The following AFF2 variants were observed in gnomAD, a reference collection of about 807,000 sequenced individuals.
The protein encoded by AFF2 is ALF transcription elongation factor 2.
A neutral mutation model predicts 76.9 loss-of-function variants in AFF2; 14 were observed. The ratio of observed to expected loss-of-function variants is 0.18; its 90% CI spans 0.12 to 0.28. The LOEUF is 0.28. Among genes scored for constraint, AFF2 ranks in the 10% least tolerant of loss-of-function variants. AFF2 has a pLI of 1.00. For synonymous variants in AFF2, 398 were observed against 366.7 expected (o/e 1.09, Z -0.98); for missense variants, 868 against 1,001.1 (o/e 0.87, Z 1.79).
At chrX:148,788,984 A>G (rs1162236216) in intron 3 of AFF2, among the ~76,000 whole-genome samples, 2 of 111,946 alleles carry the variant, frequency 1.8e-5, no homozygotes, top group Non-Finnish European at 1.9e-5. Context: ...TCACTTGAAC[A>G]TGTTCTAAAT....
At chrX:148,748,828 G>A (rs1440725320) in intron 3 of AFF2, among the ~76,000 whole-genome samples, 2 of 112,196 alleles carry the variant, frequency 1.8e-5, no homozygotes, top group Admixed American at 1.9e-4. Flanking sequence ...ACAGCTGACT[G>A]AGATGAGGTT....
At chrX:148,859,030 A>G (rs1217993366) in intron 7 of AFF2, among the ~76,000 whole-genome samples, 4 of 106,789 alleles carry the variant, frequency 3.7e-5, no homozygotes, top group African/African-American at 1.4e-4. Context: ...AAATCAATAC[A>G]TTATTAGCAT....
chrX:148,931,424 T>A (rs950969264), intron 9 of AFF2, among the ~76,000 whole-genome samples: 7 of 111,624 alleles, frequency 6.3e-5, no homozygotes, highest in Non-Finnish European at 1.3e-4. Context: ...TTATAGTCAC[T>A]ATAACCCATT....
Position 148,881,896 on chromosome X carries a change from T to C in AFF2, c.1263-3993T>C, listed in dbSNP as rs1398290922. On this transcript the variant is annotated intron_variant, in intron 7 of 20. Transcript: ENST00000370460. Reference sequence around the variant, plus strand: ...AGAGTAGGTATTATTATTGCCCATTTTAACATATAGAAAATTGAGATTCAA... The same window carrying C: ...AGAGTAGGTATTATTATTGCCCATTCTAACATATAGAAAATTGAGATTCAA... Among the ~76,000 whole-genome samples, 4 of 111,415 alleles carry C rather than the reference T, an allele frequency of 3.6e-5. No individual in the cohort carries two copies. In the East Asian group the frequency reaches 1.1e-3, roughly 32 times the overall value.
At chrX:148,720,213 T>C (rs782546490) in intron 3 of AFF2, among the ~76,000 whole-genome samples, 5 of 110,931 alleles carry the variant, frequency 4.5e-5, no homozygotes, top group Admixed American at 9.7e-5. Context: ...TTATTTAATT[T>C]TGGTGGGGGG....
chrX:148,985,552 A>G (rs1341238636), intron 19 of AFF2, among the ~76,000 whole-genome samples: 1 of 109,877 alleles, frequency 9.1e-6, no homozygotes, highest in African/African-American at 3.3e-5. Flanking sequence ...CTTGCCATAA[A>G]TTGACATTTA....
intron 9 of AFF2, among the ~76,000 whole-genome samples, chrX:148,934,566 C>T (rs1222824433): frequency 8.9e-6 from 1 of 111,874 alleles, no homozygotes; most frequent in Non-Finnish European, 1.9e-5. Flanking sequence ...GAATTAATTC[C>T]AAGTCAATTC....
At chrX:148,649,432 T>C (rs1293010182) in intron 1 of AFF2, among the ~76,000 whole-genome samples, 1 of 112,342 alleles carries the variant, frequency 8.9e-6, no homozygotes, top group Non-Finnish European at 1.9e-5. Context: ...AAGGAAAAAG[T>C]TGGAGATATT....
intron 3 of AFF2, among the ~76,000 whole-genome samples, chrX:148,804,231 G>A (rs1557271142): frequency 9.0e-6 from 1 of 111,614 alleles, no homozygotes; most frequent in Non-Finnish European, 1.9e-5. Flanking sequence ...TACATAGGTA[G>A]GGATACAGAG....
At chrX:148,803,411 G>GCTGCAGC (rs1269231304) in intron 3 of AFF2, among the ~76,000 whole-genome samples, 2 of 111,344 alleles carry the variant, frequency 1.8e-5, no homozygotes, top group African/African-American at 6.5e-5. Flanking sequence ...AGTCTGGGTA[G>GCTGCAGC]CTGCAGCAAC....
intron 1 of AFF2, among the ~76,000 whole-genome samples, chrX:148,618,058 A>G (rs1486866841): frequency 2.7e-5 from 3 of 111,475 alleles, no homozygotes; most frequent in Non-Finnish European, 5.7e-5. Context: ...GTATATATTT[A>G]TGTATGAATA....
At chrX:148,948,561 G>C (rs987420229) in intron 9 of AFF2, among the ~76,000 whole-genome samples, 2 of 111,567 alleles carry the variant, frequency 1.8e-5, no homozygotes, top group Non-Finnish European at 3.8e-5. Flanking sequence ...TTGCAAGTTT[G>C]CAACAGCAGA....
At chrX:148,934,878 G>C (rs1193448954) in intron 9 of AFF2, among the ~76,000 whole-genome samples, 1 of 111,635 alleles carries the variant, frequency 9.0e-6, no homozygotes, top group African/African-American at 3.3e-5. Context: ...ATTTTCAATT[G>C]TCATTGAAAG....
Position 148,501,074 on chromosome X carries a change from G to A in AFF2, c.-24G>A, listed in dbSNP as rs375802594. ...CCGCTGCGATCAGGGACAGGCGCCC[G>A]CCCGCCGCCGCCGCCTGGCCGCTAT... On this transcript the variant is annotated 5_prime_UTR_variant, in exon 1 of 21. Coordinates refer to ENST00000370460, the MANE Select transcript of AFF2 (RefSeq NM_002025.4). 1.1e-4 allele frequency: 136 copies of A among 1,200,310 alleles called. No individual in the cohort carries two copies. The highest frequency in any genetic ancestry group is 1.5e-4 in the Non-Finnish European group (130 of 891,510).
chrX:148,981,674 G>A (rs1557290895), intron 19 of AFF2, among the ~76,000 whole-genome samples: 1 of 111,946 alleles, frequency 8.9e-6, no homozygotes, highest in Admixed American at 9.5e-5. Flanking sequence ...AGGGAAACTA[G>A]ATGACTGTGG....
At chrX:148,562,961 C>T (rs1441594818) in intron 1 of AFF2, among the ~76,000 whole-genome samples, 1 of 111,963 alleles carries the variant, frequency 8.9e-6, no homozygotes, top group Non-Finnish European at 1.9e-5. Context: ...AAAACAGGTT[C>T]CTGTAATGCA....
chrX:148,860,220 C>T (rs1381040010), intron 7 of AFF2, among the ~76,000 whole-genome samples: 1 of 111,645 alleles, frequency 9.0e-6, no homozygotes, highest in African/African-American at 3.3e-5. Context: ...TCAAATACGG[C>T]CTTGTTCTTG....
intron 9 of AFF2, among the ~76,000 whole-genome samples, chrX:148,932,698 G>T (rs1483520919): frequency 8.9e-6 from 1 of 112,370 alleles, no homozygotes; most frequent in Non-Finnish European, 1.9e-5. Flanking sequence ...CTGAGTAGTT[G>T]CTCAATAAAT....
intron 13 of AFF2, among the ~76,000 whole-genome samples, chrX:148,966,102 T>C (rs1270166857): frequency 8.9e-6 from 1 of 111,734 alleles, no homozygotes; most frequent in Non-Finnish European, 1.9e-5. Context: ...TCTTACCCAT[T>C]TGATTTTGGA....
Sources: allele counts gnomAD v4.1 joint callset (sites outside exome capture counted in the v4.1 genomes callset), GRCh38; gene constraint gnomAD v4.1.1; transcripts MANE v1.5; gene names NCBI Gene and HGNC (gene_info 2026-07-23, HGNC 2026-07-21).